Variants in CACNB1 observed in about 807,000 individuals in gnomAD.
CACNB1 encodes calcium voltage-gated channel auxiliary subunit beta 1, also known as voltage-dependent L-type calcium channel subunit beta-1.
In CACNB1, 29 loss-of-function variants were observed where a neutral mutation model predicts 71.6. That is an observed-to-expected ratio of 0.40 (90% CI 0.30 to 0.55). The LOEUF is 0.55. CACNB1 is among the 20% of genes least tolerant of loss of function. CACNB1 has a pLI of 0.38. For synonymous variants in CACNB1, 300 were observed against 319.6 expected (o/e 0.94, Z 0.65); for missense variants, 623 against 801.8 (o/e 0.78, Z 2.69).
intron 3 of CACNB1, among the ~76,000 whole-genome samples, chr17:39,189,317 C>T (rs992810320): frequency 3.3e-5 from 5 of 151,240 alleles, no homozygotes; most frequent in East Asian, 2.0e-4. Context: ...AAGCCAAGAT[C>T]GTGCCATTGC....
chr17:39,183,962 T>A, intron 10 of CACNB1, 69 bp downstream of exon 10: 1 of 1,528,790 alleles, frequency 6.5e-7, no homozygotes, highest in Non-Finnish European at 9.0e-7. Context: ...GCCCACTACC[T>A]CCCACACCTC....
Position 39,177,428 on chromosome 17 carries a change from C to T in CACNB1, c.1254G>A (p.Thr418=). ...YWKATHPPSS[T]PPNPLLNRTM... ...TGCGGTTCAGCAGCGGATTGGGTGG[C>T]GTGCTGCTGGGCGGGTGTGTGGCCT... The change falls in exon 13 of 14, where the codon ACG becomes ACA. Residue 418 remains threonine (T), a synonymous_variant. Coordinates refer to ENST00000394303, the MANE Select transcript of CACNB1 (RefSeq NM_000723.5). The T allele has an allele frequency of 2.5e-6, 4 of 1,613,706 alleles. No individual in the cohort carries two copies. The highest frequency in any genetic ancestry group is 2.2e-5 in the East Asian group (1 of 44,876).
At chr17:39,184,474 C>T (rs541918740) in intron 8 of CACNB1, 91 bp from the exon 9 acceptor site, 6 of 775,260 alleles carry the variant, frequency 7.7e-6, no homozygotes, top group African/African-American at 5.1e-5. Flanking sequence ...TGTACCCTCA[C>T]GTTCCACTTT....
chr17:39,188,269 C>G (rs868191743), intron 3 of CACNB1, among the ~76,000 whole-genome samples: 2 of 151,186 alleles, frequency 1.3e-5, no homozygotes, highest in Non-Finnish European at 2.9e-5. Flanking sequence ...GATGACGGAG[C>G]AAGACTCTGT....
In CACNB1 at chr17:39,175,591, C is replaced by G; in HGVS notation, c.1399G>C (p.Glu467Gln). 4 of 1,608,760 alleles carry G rather than the reference C, an allele frequency of 2.5e-6. No homozygotes were observed. Among genetic ancestry groups the G allele is most frequent in the Non-Finnish European group, 3.4e-6 (4 of 1,177,094 alleles). ...GGCTGGCCCAGCTCCCCTGGGTACT[C>G]GTGCATGCTGGCGTGCTCCCCGGTG... ...RATGEHASMH[E>Q]YPGELGQPPG... Residue 467 changes from glutamate (E) to glutamine (Q), a missense_variant, in exon 14 of 14, where the codon GAG becomes CAG. By Grantham distance (29) the Glu-to-Gln change is conservative. Transcript: ENST00000394303. This position sits in a 1 kb window ranked among gnomAD's most constrained non-coding sequence, Gnocchi z 4.7.
Position 39,186,181 on chromosome 17 carries a change from G to C in CACNB1, c.628+315C>G. 7.9e-7 allele frequency: 1 copy of C among 1,264,574 alleles called. No individual in the cohort carries two copies. The highest frequency in any genetic ancestry group is 1.1e-6 in the Non-Finnish European group (1 of 874,750). 78.3% of individuals were successfully genotyped at this position (1,264,574 alleles called of 1,614,324 possible). A position where few individuals can be genotyped will look rare whatever the true frequency, so the allele number is the denominator to read the frequency against. On this transcript the variant is annotated intron_variant, in intron 6 of 13. Transcript: ENST00000394303. The surrounding 1 kb of genome is among the most constrained non-coding windows in gnomAD (Gnocchi z 4.1). ...GAGTGAGATGAACGTGGAGACACAAGTACAGAACGCAGGGATGGGGATGGG... is the reference window on the plus strand; with the variant it reads ...GAGTGAGATGAACGTGGAGACACAACTACAGAACGCAGGGATGGGGATGGG...
chr17:39,177,677 G>A (rs1597682160), intron 12 of CACNB1, 142 bp from the exon 13 acceptor site: 4 of 683,634 alleles, frequency 5.9e-6, no homozygotes, highest in Non-Finnish European at 9.7e-6. Flanking sequence ...AGAAGGGAAG[G>A]AGAGCTCTCA....
intron 3 of CACNB1, 107 bp from the exon 4 acceptor site, chr17:39,187,708 T>C: frequency 2.3e-6 from 3 of 1,293,306 alleles, no homozygotes; most frequent in Non-Finnish European, 3.3e-6. Context: ...TTTATAATAG[T>C]TCCTTGAAAT....
chr17:39,195,808 C>T (rs908034063), intron 1 of CACNB1, among the ~76,000 whole-genome samples: 2 of 152,286 alleles, frequency 1.3e-5, no homozygotes, highest in Middle Eastern at 3.4e-3. Flanking sequence ...CATCAGGCTA[C>T]GTCAATCTAA....
At chr17:39,185,240 A>T in intron 6 of CACNB1, 90 bp from the exon 7 acceptor site, 1 of 991,640 alleles carries the variant, frequency 1.0e-6, no homozygotes, top group Non-Finnish European at 1.6e-6. Context: ...GAGCCAGGAC[A>T]AGAGAGGGAG....
At chr17:39,185,881 G>A in intron 6 of CACNB1, 2 of 1,520,762 alleles carry the variant, frequency 1.3e-6, no homozygotes, top group Non-Finnish European at 1.8e-6. Flanking sequence ...ATCCATTACA[G>A]CCCCCTTCCC....
chr17:39,181,588 G>A (rs2045764145), intron 11 of CACNB1, among the ~76,000 whole-genome samples: 1 of 152,116 alleles, frequency 6.6e-6, no homozygotes, highest in South Asian at 2.1e-4. Context: ...TAACCTCAGT[G>A]GGGGAAATGG....
chr17:39,177,201 C>T, intron 13 of CACNB1, 149 bp downstream of exon 13: 1 of 1,514,472 alleles, frequency 6.6e-7, no homozygotes, highest in Non-Finnish European at 8.8e-7. Context: ...CCCTGCACTC[C>T]AGTTCCGACC....
In CACNB1 at chr17:39,194,519, C is replaced by A. The variant is rs2046161492; in HGVS notation, c.171+365G>T. ...TTCCTAGGACCTGCCTCCACCCAAC[C>A]CTGTCACAGATTCTGGGGGAGGACA... On this transcript the variant is annotated intron_variant, in intron 2 of 13. Coordinates refer to ENST00000394303, the MANE Select transcript of CACNB1 (RefSeq NM_000723.5). This position sits in a 1 kb window ranked among gnomAD's most constrained non-coding sequence, Gnocchi z 4.6. 6.6e-6 allele frequency among the ~76,000 whole-genome samples: 1 copy of A among 152,128 alleles called. No homozygotes were observed. Among genetic ancestry groups the A allele is most frequent in the Non-Finnish European group, 1.5e-5 (1 of 68,028 alleles).
Position 39,186,773 on chromosome 17 carries a change from C to T in CACNB1, c.551+20G>A. 2 of 1,613,062 alleles carry T rather than the reference C, an allele frequency of 1.2e-6. No homozygotes were observed. Among genetic ancestry groups the T allele is most frequent in the South Asian group, 2.2e-5 (2 of 91,010 alleles). On this transcript the variant is annotated intron_variant, in intron 5 of 13. Coordinates refer to ENST00000394303, the MANE Select transcript of CACNB1 (RefSeq NM_000723.5). This position sits in a 1 kb window ranked among gnomAD's most constrained non-coding sequence, Gnocchi z 4.1. ...CTCCTGGGGTTGGCAGCATCCCCTT[C>T]CCCTGCCCCACCCAGACACCTGGAG...
chr17:39,175,664 A>G lies in CACNB1; in HGVS notation c.1333-7T>C. On this transcript the variant is annotated splice_polypyrimidine_tract_variant and splice_region_variant and intron_variant, in intron 13 of 13. Transcript: ENST00000394303. This position sits in a 1 kb window ranked among gnomAD's most constrained non-coding sequence, Gnocchi z 4.7. ...CGGAAGCAAGGTAGGGTCCCTGGTT[A>G]GCAGACGGACAGCACACACCATGCA... 3.2e-6 allele frequency: 5 copies of G among 1,550,866 alleles called. No homozygotes were observed. The highest frequency in any genetic ancestry group is 4.4e-6 in the Non-Finnish European group (5 of 1,147,454).
chr17:39,180,160 G>C (rs1016311146), intron 11 of CACNB1, among the ~76,000 whole-genome samples: 3 of 151,702 alleles, frequency 2.0e-5, no homozygotes, highest in Admixed American at 6.6e-5. Flanking sequence ...AGATACTCAG[G>C]AGGCTGAGGC....
Position 39,191,458 on chromosome 17 carries a change from C to T in CACNB1, c.291+16G>A. 1.3e-6 allele frequency: 2 copies of T among 1,593,962 alleles called. No homozygotes were observed. Among genetic ancestry groups the T allele is most frequent in the Non-Finnish European group, 1.7e-6 (2 of 1,173,000 alleles). On this transcript the variant is annotated intron_variant, in intron 3 of 13. Coordinates refer to ENST00000394303, the MANE Select transcript of CACNB1 (RefSeq NM_000723.5). ...GGAAATCATGCCAGCACAGCCCCTC[C>T]CCACATCTTTCTCACCTTGGCCTTC... is the stretch of plus-strand genomic sequence containing the variant.
rs768512220 is a variant in CACNB1 at position 39,177,496 on chromosome 17, C to T, written c.1186G>A (p.Asp396Asn). The part of the protein sequence containing the change: ...DIILDENQLE[D>N]ACEHLAEYLE... ...TACTCCGCCAGATGCTCGCAGGCAT[C>T]CTCCAATTGGTTCTCATCCAGGATG... is the stretch of plus-strand genomic sequence containing the variant. The change falls in exon 13 of 14, where the codon GAT becomes AAT. Residue 396 changes from aspartate to asparagine, a missense_variant. Asp to Asn is a conservative substitution (Grantham distance 23). Transcript: ENST00000394303. 1 of 1,607,148 alleles carries T rather than the reference C, an allele frequency of 6.2e-7. No individual in the cohort carries two copies. Among genetic ancestry groups the T allele is most frequent in the Admixed American group, 1.7e-5 (1 of 59,764 alleles).
Sources: gnomAD v4.1 joint callset for allele counts (sites outside exome capture counted in the v4.1 genomes callset) on GRCh38, gnomAD v4.1.1 for gene constraint, Gnocchi (gnomAD v3.1) non-coding constraint, MANE v1.5 for transcripts, NCBI Gene and HGNC (gene_info 2026-07-23, HGNC 2026-07-21) for gene names.